Variants in AGMAT observed in about 807,000 individuals in gnomAD.
AGMAT encodes the protein guanidino acid hydrolase, mitochondrial.
Under a neutral mutation model 29.3 loss-of-function variants are expected in AGMAT, and 37 were observed. The ratio of observed to expected loss-of-function variants is 1.26; its 90% CI spans 0.97 to 1.66. The LOEUF (loss-of-function observed/expected upper bound fraction) is 1.66. Ranked by LOEUF, AGMAT falls within the 40% of genes most tolerant of loss-of-function variation. The pLI is 0.00. For missense variants in AGMAT, 498 were observed against 497.8 expected (o/e 1.00, Z 0.00); for synonymous variants, 199 against 200.8 (o/e 0.99, Z 0.08).
Position 15,573,613 on chromosome 1 carries a change from C to T in AGMAT, c.*38G>A, listed in dbSNP as rs1020068542. On this transcript the variant is annotated 3_prime_UTR_variant, in exon 7 of 7. Transcript: ENST00000375826. The stretch of plus-strand genomic sequence containing the variant: ...TCATAAGTTCTTCTTGAGAACTTGT[C>T]AGCGACGCAATCTGTTTTGTCTTGA... 15 of 1,594,316 alleles carry T rather than the reference C, an allele frequency of 9.4e-6. No homozygotes were observed. In the Admixed American group the frequency reaches 2.5e-4, roughly 27 times the overall value.
chr1:15,584,831 C>A lies in AGMAT; in HGVS notation c.137G>T (p.Ser46Ile), dbSNP rs772601696. The change falls in exon 1 of 7, where the codon AGC becomes ATC. Residue 46 changes from serine (S) to isoleucine (I), a missense_variant. Coordinates refer to ENST00000375826, the MANE Select transcript of AGMAT (RefSeq NM_024758.5). The part of the protein sequence containing the change: ...ASDAPRNQPP[S>I]PEFVARPVGV... Reference sequence around the variant, plus strand: ...CACCGGCCGGGCCACGAACTCGGGGCTGGGGGGCTGGTTCCGGGGCGCGTC... The same window carrying A: ...CACCGGCCGGGCCACGAACTCGGGGATGGGGGGCTGGTTCCGGGGCGCGTC... The A allele has an allele frequency of 4.2e-6, 6 of 1,430,128 alleles. No individual in the cohort carries two copies. In the African/African-American group the frequency reaches 7.4e-5, roughly 18 times the overall value. The allele number at this position is 1,430,128 out of a possible 1,614,324, so 88.6% of individuals were successfully genotyped here.
In AGMAT at chr1:15,578,848, C is replaced by G; in HGVS notation, c.720+11G>C. ...TTGAGGGGCAAGGGTGGGGGGCATT[C>G]GGTCTGTCACCTGGCTCCGGTTGTA... On this transcript the variant is annotated intron_variant, in intron 4 of 6. Coordinates refer to ENST00000375826, the MANE Select transcript of AGMAT (RefSeq NM_024758.5). 2 of 1,611,592 alleles carry G rather than the reference C, an allele frequency of 1.2e-6. No homozygotes were observed. The highest frequency in any genetic ancestry group is 1.7e-6 in the Non-Finnish European group (2 of 1,178,040).
At position 15,574,738 on chromosome 1, in the gene AGMAT, A is replaced by T. The variant is rs751858735; in HGVS notation, c.985+19T>A. ...AAGCTACCGGCTGCCCATGGATCTC[A>T]GTCTCTTTGCTTACTCACCAGAAAG... On this transcript the variant is annotated intron_variant, in intron 6 of 6. Coordinates refer to ENST00000375826, the MANE Select transcript of AGMAT (RefSeq NM_024758.5). 1.2e-6 allele frequency: 2 copies of T among 1,607,618 alleles called. No individual in the cohort carries two copies. The highest frequency in any genetic ancestry group is 1.7e-6 in the Non-Finnish European group (2 of 1,174,324).
intron 2 of AGMAT, 31 bp downstream of exon 2, chr1:15,583,162 A>G (rs1243592330): frequency 1.9e-6 from 3 of 1,607,896 alleles, no homozygotes; most frequent in Non-Finnish European, 2.6e-6. Flanking sequence ...GAGTGCAGGG[A>G]ACTACTCTGG....
intron 2 of AGMAT, 87 bp downstream of exon 2, chr1:15,583,106 A>C: frequency 8.2e-7 from 1 of 1,222,288 alleles, no homozygotes; most frequent in Non-Finnish European, 1.2e-6. Flanking sequence ...CTTGCAGGGG[A>C]GAAGTAGCTG....
intron 3 of AGMAT, 32 bp from the exon 4 acceptor site, chr1:15,579,086 C>G: frequency 6.2e-7 from 1 of 1,603,538 alleles, no homozygotes; most frequent in Non-Finnish European, 8.5e-7. Context: ...AGAGGCCAAC[C>G]CTCCCTGTGG....
At chr1:15,579,397 G>A (rs1018360719) in intron 3 of AGMAT, among the ~76,000 whole-genome samples, 2 of 152,116 alleles carry the variant, frequency 1.3e-5, no homozygotes, top group African/African-American at 2.4e-5. Context: ...TTCTCCAACC[G>A]AGGAAGAGGA....
Position 15,584,869 on chromosome 1 carries a change from G to A in AGMAT, c.99C>T (p.Ser33=). The change falls in exon 1 of 7, where the codon AGC becomes AGT. Residue 33 remains serine, a synonymous_variant. Transcript: ENST00000375826. ...AGLFHPGRRQ[S]RQASDAPRNQ... is the part of the protein sequence containing the mutation. ...TCCGGGGCGCGTCGGAAGCCTGGCG[G>A]CTCTGGCGGCGCCCCGGATGAAAGA... 1 of 1,411,404 alleles carries A rather than the reference G, an allele frequency of 7.1e-7. No homozygotes were observed. The highest frequency in any genetic ancestry group is 1.5e-5 in the South Asian group (1 of 65,462). The allele number at this position is 1,411,404 out of a possible 1,614,324, so 87.4% of individuals were successfully genotyped here. A position where few individuals can be genotyped will look rare whatever the true frequency, so the allele number is the denominator to read the frequency against.
chr1:15,584,708 C>G lies in AGMAT; in HGVS notation c.260G>C (p.Arg87Pro). The G allele has an allele frequency of 7.5e-7, 1 of 1,331,406 alleles. No individual in the cohort carries two copies. The highest frequency in any genetic ancestry group is 9.7e-7 in the Non-Finnish European group (1 of 1,035,402). 82.5% of individuals were successfully genotyped at this position (1,331,406 alleles called of 1,614,324 possible). A position where few individuals can be genotyped will look rare whatever the true frequency, so the allele number is the denominator to read the frequency against. Reference sequence around the variant, plus strand: ...CTTCCGGCCTTACCTCGCCCCAGGCCGGTTGGAGGTCCCAGTATCCAGGGG... The same window carrying G: ...CTTCCGGCCTTACCTCGCCCCAGGCGGGTTGGAGGTCCCAGTATCCAGGGG... Reference protein sequence around the residue: ...GVPLDTGTSNRPGARFGPRRI... With the variant: ...GVPLDTGTSNPPGARFGPRRI... Residue 87 changes from arginine to proline, a missense_variant, in exon 1 of 7, where the codon CGG (arginine) becomes CCG (proline). Coordinates refer to ENST00000375826, the MANE Select transcript of AGMAT (RefSeq NM_024758.5).
chr1:15,573,576 C>CA lies in AGMAT; in HGVS notation c.*74dup, dbSNP rs1378255922. 4.0e-5 allele frequency: 56 copies of CA among 1,406,040 alleles called. No individual in the cohort carries two copies. Among genetic ancestry groups the CA allele is most frequent in the Middle Eastern group, 1.8e-4 (1 of 5,632 alleles). 87.1% of individuals were successfully genotyped at this position (1,406,040 alleles called of 1,614,324 possible). A position where few individuals can be genotyped will look rare whatever the true frequency, so the allele number is the denominator to read the frequency against. On this transcript the variant is annotated 3_prime_UTR_variant, in exon 7 of 7. Transcript: ENST00000375826. ...TTCTTGGCATAAACTCTTTAGTTCT[C>CA]AGACTGCTTACTCATAAGTTCTTCT... is the stretch of plus-strand genomic sequence containing the variant.
At chr1:15,583,519 G>A in intron 1 of AGMAT, 124 bp from the exon 2 acceptor site, 2 of 917,928 alleles carry the variant, frequency 2.2e-6, no homozygotes, top group African/African-American at 1.7e-5. Flanking sequence ...ATTGCATAAT[G>A]GAATGCTTAG....
At chr1:15,583,079 C>CTGCACATT in intron 2 of AGMAT, 114 bp downstream of exon 2, 1 of 896,918 alleles carries the variant, frequency 1.1e-6, no homozygotes, top group Non-Finnish European at 1.7e-6. Flanking sequence ...TTCCTACTGT[C>CTGCACATT]TGCACATTTG....
rs766717409 is a variant in AGMAT at position 15,577,788 on chromosome 1, A to T, written c.797T>A (p.Met266Lys). Residue 266 changes from methionine to lysine, a missense_variant, in exon 5 of 7, where the codon ATG (methionine) becomes AAG (lysine). Transcript: ENST00000375826. ...GCTGATATAAATGGGTTTGCCTCCC[A>T]TCTGCTGCCTGACTTCCCCCATCAG... The part of the protein sequence containing the change: ...VPLMGEVRQQ[M>K]GGKPIYISFD... 6.2e-7 allele frequency: 1 copy of T among 1,614,210 alleles called. No individual in the cohort carries two copies. Among genetic ancestry groups the T allele is most frequent in the Non-Finnish European group, 8.5e-7 (1 of 1,180,040 alleles).
At position 15,580,152 on chromosome 1, in the gene AGMAT, G is replaced by A; in HGVS notation, c.476-10C>T. On this transcript the variant is annotated splice_polypyrimidine_tract_variant and intron_variant, in intron 2 of 6. Coordinates refer to ENST00000375826, the MANE Select transcript of AGMAT (RefSeq NM_024758.5). Reference sequence around the variant, plus strand: ...ATTGTGTGATCTCCACCTGCAAAGAGGAAGAAGAAAACATCTGGAAAGTGA... The same window carrying A: ...ATTGTGTGATCTCCACCTGCAAAGAAGAAGAAGAAAACATCTGGAAAGTGA... 1 of 1,602,616 alleles carries A rather than the reference G, an allele frequency of 6.2e-7. No homozygotes were observed. The highest frequency in any genetic ancestry group is 8.5e-7 in the Non-Finnish European group (1 of 1,170,458).
chr1:15,574,722 G>A (rs765749624), intron 6 of AGMAT, 35 bp downstream of exon 6: 5 of 1,564,684 alleles, frequency 3.2e-6, no homozygotes, highest in Non-Finnish European at 1.8e-6. Context: ...TAAGCTACCG[G>A]CTGCCCATGG....
At position 15,571,989 on chromosome 1, in the gene AGMAT, A is replaced by G. The variant is rs1638956809; in HGVS notation, c.*1662T>C. On this transcript the variant is annotated 3_prime_UTR_variant, in exon 7 of 7. Coordinates refer to ENST00000375826, the MANE Select transcript of AGMAT (RefSeq NM_024758.5). The stretch of plus-strand genomic sequence containing the variant: ...GTGAAACCCCGTCTCTACTAAAAAT[A>G]CAAAAATTAGCCGGGCGTGGTGACG... Among the ~76,000 whole-genome samples, 1 of 151,906 alleles carries G rather than the reference A, an allele frequency of 6.6e-6. No homozygotes were observed. The highest frequency in any genetic ancestry group is 1.5e-5 in the Non-Finnish European group (1 of 67,980).
At chr1:15,582,084 T>C (rs1639123085) in intron 2 of AGMAT, among the ~76,000 whole-genome samples, 1 of 151,642 alleles carries the variant, frequency 6.6e-6, no homozygotes, top group South Asian at 2.1e-4. Flanking sequence ...GCCTGACCAA[T>C]ATGATGAAAC....
chr1:15,580,932 G>A (rs370055264), intron 2 of AGMAT, among the ~76,000 whole-genome samples: 1 of 152,112 alleles, frequency 6.6e-6, no homozygotes, highest in East Asian at 1.9e-4. Context: ...CCAAGATCGC[G>A]CCACTGCACT....
At chr1:15,583,007 T>C (rs890281849) in intron 2 of AGMAT, among the ~76,000 whole-genome samples, 186 bp downstream of exon 2, 1 of 151,996 alleles carries the variant, frequency 6.6e-6, no homozygotes, top group Admixed American at 6.6e-5. Context: ...CACACACACA[T>C]ACACACACAC....
Sources: allele counts gnomAD v4.1 joint callset (sites outside exome capture counted in the v4.1 genomes callset), GRCh38; gene constraint gnomAD v4.1.1; transcripts MANE v1.5; gene names NCBI Gene and HGNC (gene_info 2026-07-23, HGNC 2026-07-21).